The following ARL15 variants were observed in gnomAD, a reference collection of about 807,000 sequenced individuals.
ARL15 encodes ARF like GTPase 15.
In ARL15, 19 loss-of-function variants were observed where a neutral mutation model predicts 25.2. The observed-to-expected ratio is 0.75, with a 90% CI of 0.53 to 1.10. The LOEUF is 1.10. Ranked by LOEUF, ARL15 falls within the 50% of genes least tolerant of loss-of-function variation. ARL15 has a pLI of 0.00. For missense variants in ARL15, 220 were observed against 246.0 expected, an observed-to-expected ratio of 0.89 and a Z score of 0.71; for synonymous variants, 94 against 86.8, an observed-to-expected ratio of 1.08 and a Z score of -0.46.
intron 3 of ARL15, among the ~76,000 whole-genome samples, chr5:54,154,046 C>G (rs1754148631): frequency 6.6e-6 from 1 of 152,076 alleles, no homozygotes; most frequent in Admixed American, 6.6e-5. Flanking sequence ...AAAACACAAC[C>G]AAAAAATGCC....
intron 4 of ARL15, among the ~76,000 whole-genome samples, chr5:54,002,433 C>G (rs1414596892): frequency 6.6e-6 from 1 of 152,062 alleles, no homozygotes; most frequent in Admixed American, 6.5e-5. Flanking sequence ...ATAAGAGTGT[C>G]AATTGCAACT....
At chr5:54,038,023 A>G (rs1343355192) in intron 4 of ARL15, among the ~76,000 whole-genome samples, 1 of 152,146 alleles carries the variant, frequency 6.6e-6, no homozygotes, top group African/African-American at 2.4e-5. Flanking sequence ...TGTCTAATCA[A>G]CACCTTGAAT....
At chr5:54,011,744 C>A (rs531631653) in intron 4 of ARL15, among the ~76,000 whole-genome samples, 16 of 152,252 alleles carry the variant, frequency 1.1e-4, no homozygotes, top group Admixed American at 4.6e-4. Context: ...GGTGTTGTGG[C>A]TCACACCTGT....
chr5:54,139,764 G>A (rs917185421), intron 3 of ARL15, among the ~76,000 whole-genome samples: 1 of 152,074 alleles, frequency 6.6e-6, no homozygotes, highest in Admixed American at 6.6e-5. Context: ...CCCAGGAGGT[G>A]GAGGCTGCAG....
intron 4 of ARL15, among the ~76,000 whole-genome samples, chr5:54,089,516 C>A (rs1205503391): frequency 6.6e-6 from 1 of 152,090 alleles, no homozygotes; most frequent in Non-Finnish European, 1.5e-5. Context: ...AAAAGGATAT[C>A]TTTTATAAAA....
intron 4 of ARL15, among the ~76,000 whole-genome samples, chr5:54,024,512 T>C (rs1749720788): frequency 6.6e-6 from 1 of 152,226 alleles, no homozygotes; most frequent in Non-Finnish European, 1.5e-5. Context: ...CAATTTTACT[T>C]GTTATTTTAG....
intron 4 of ARL15, among the ~76,000 whole-genome samples, chr5:53,964,581 T>C (rs576298627): frequency 5.3e-5 from 8 of 152,104 alleles, no homozygotes; most frequent in South Asian, 2.1e-4. Context: ...AGGATGGTCT[T>C]GATCTCCTGA....
intron 4 of ARL15, among the ~76,000 whole-genome samples, chr5:54,078,227 T>C (rs1366862949): frequency 1.3e-5 from 2 of 152,194 alleles, no homozygotes; most frequent in African/African-American, 2.4e-5. Flanking sequence ...TATGCTTACA[T>C]TGTAATCAAC....
chr5:54,168,258 C>T (rs1314194836), intron 2 of ARL15, among the ~76,000 whole-genome samples: 1 of 152,104 alleles, frequency 6.6e-6, no homozygotes, highest in African/African-American at 2.4e-5. Flanking sequence ...AAATCTATGA[C>T]TGAGTTGTCT....
intron 4 of ARL15, among the ~76,000 whole-genome samples, chr5:54,108,023 G>A (rs1386502274): frequency 6.6e-6 from 1 of 151,956 alleles, no homozygotes; most frequent in Non-Finnish European, 1.5e-5. Flanking sequence ...ATCAAAGAAT[G>A]CATATAGAAA....
At chr5:54,124,543 A>T (rs550097081) in intron 3 of ARL15, among the ~76,000 whole-genome samples, 1 of 152,346 alleles carries the variant, frequency 6.6e-6, no homozygotes, top group East Asian at 1.9e-4. Flanking sequence ...TTAATTAGAA[A>T]AATGAGGATT....
chr5:54,047,477 C>A (rs570232845), intron 4 of ARL15, among the ~76,000 whole-genome samples: 306 of 152,236 alleles, frequency 2.0e-3, no homozygotes, highest in Non-Finnish European at 3.7e-3. Flanking sequence ...TTAGCCACAG[C>A]AGAAAAAGAG....
chr5:53,976,261 G>A (rs367768456), intron 4 of ARL15, among the ~76,000 whole-genome samples: 3 of 152,230 alleles, frequency 2.0e-5, no homozygotes, highest in East Asian at 3.9e-4. Context: ...ATGCACTAGG[G>A]CTGAGTCTAG....
chr5:54,257,218 G>A (rs567148321), intron 1 of ARL15, among the ~76,000 whole-genome samples: 14 of 152,284 alleles, frequency 9.2e-5, no homozygotes, highest in African/African-American at 2.4e-4. Context: ...CAAATCAGTA[G>A]CACTGCTATA....
intron 1 of ARL15, among the ~76,000 whole-genome samples, chr5:54,221,060 C>CA (rs1326837864): frequency 6.6e-6 from 1 of 152,116 alleles, no homozygotes; most frequent in Non-Finnish European, 1.5e-5. Context: ...ATTGCTTCAC[C>CA]ATATGGAAGG....
intron 4 of ARL15, among the ~76,000 whole-genome samples, chr5:54,073,110 C>G (rs1751478379): frequency 6.6e-6 from 1 of 152,174 alleles, no homozygotes; most frequent in Non-Finnish European, 1.5e-5. Flanking sequence ...TAAAAAAGAA[C>G]ATATAACTGT....
chr5:54,013,819 A>G (rs541607013), intron 4 of ARL15, among the ~76,000 whole-genome samples: 11 of 152,276 alleles, frequency 7.2e-5, no homozygotes, highest in Admixed American at 6.5e-5. Context: ...CTTGTAATCA[A>G]TCAGCAGCAC....
At chr5:54,133,361 G>A (rs1166434494) in intron 3 of ARL15, among the ~76,000 whole-genome samples, 1 of 152,146 alleles carries the variant, frequency 6.6e-6, no homozygotes, top group Non-Finnish European at 1.5e-5. Context: ...TACTGACAGA[G>A]GTACTGATAA....
At chr5:54,176,931 A>G (rs1754891709) in intron 1 of ARL15, among the ~76,000 whole-genome samples, 1 of 152,174 alleles carries the variant, frequency 6.6e-6, no homozygotes, top group African/African-American at 2.4e-5. Context: ...TACTTCCAAC[A>G]GCCCACAGCA....
Sources: gnomAD v4.1 joint callset for allele counts (sites outside exome capture counted in the v4.1 genomes callset) on GRCh38, gnomAD v4.1.1 for gene constraint, MANE v1.5 for transcripts, NCBI Gene and HGNC (gene_info 2026-07-23, HGNC 2026-07-21) for gene names.